VPS35L: variants seen among roughly 807,000 people sequenced by gnomAD.
The protein encoded by VPS35L is VPS35 endosomal protein sorting factor like, also known as VPS35 endosomal protein-sorting factor-like.
In VPS35L, 83 loss-of-function variants were observed where a neutral mutation model predicts 133.0. The ratio of observed to expected loss-of-function variants is 0.62; its 90% CI spans 0.52 to 0.75. The LOEUF (loss-of-function observed/expected upper bound fraction) is 0.75. Ranked by LOEUF, VPS35L falls within the 30% of genes least tolerant of loss-of-function variation. The pLI is 0.00. For synonymous variants in VPS35L, 423 were observed against 449.9 expected, an observed-to-expected ratio of 0.94 and a Z score of 0.76; for missense variants, 1,083 against 1,206.8, an observed-to-expected ratio of 0.90 and a Z score of 1.52.
chr16:19,619,451 A>G (rs750580307), intron 14 of VPS35L, among the ~76,000 whole-genome samples: 3 of 152,172 alleles, frequency 2.0e-5, no homozygotes, highest in Non-Finnish European at 4.4e-5. Flanking sequence ...TTCAGCAACC[A>G]CATGCTGTCC....
chr16:19,686,969 C>T (rs1391534232), intron 28 of VPS35L, among the ~76,000 whole-genome samples: 5 of 152,136 alleles, frequency 3.3e-5, no homozygotes. Context: ...CCACTGAACT[C>T]CAGCCTGGGC....
chr16:19,667,963 A>G (rs1974751455), intron 26 of VPS35L, among the ~76,000 whole-genome samples: 5 of 152,060 alleles, frequency 3.3e-5, no homozygotes, highest in Admixed American at 3.3e-4. Context: ...GAGCAGAGCT[A>G]ACTTGACTCA....
intron 3 of VPS35L, among the ~76,000 whole-genome samples, chr16:19,570,803 A>G (rs1200121380): frequency 1.4e-5 from 2 of 140,936 alleles, no homozygotes; most frequent in Admixed American, 7.6e-5. Context: ...TTCAGAATAC[A>G]TGCTCTCGAT....
intron 2 of VPS35L, among the ~76,000 whole-genome samples, chr16:19,568,999 G>A (rs1971277436): frequency 6.6e-6 from 1 of 152,070 alleles, no homozygotes; most frequent in African/African-American, 2.4e-5. Context: ...AAAAGTACCT[G>A]GTTAAAGTAG....
At chr16:19,573,010 A>G (rs371889) in intron 3 of VPS35L, 109 bp from the exon 4 acceptor site, 552,955 of 1,242,764 alleles carry the variant, frequency 0.44, 134,030 homozygotes, top group African/African-American at 0.87. Flanking sequence ...CCTTGAGACA[A>G]ATCTCTTTTA....
chr16:19,590,132 C>T (rs1001896476), intron 7 of VPS35L, among the ~76,000 whole-genome samples: 3 of 26,932 alleles, frequency 1.1e-4, no homozygotes, highest in Non-Finnish European at 2.2e-4. Flanking sequence ...GCTTACATTC[C>T]CGCCCCGCCC....
intron 8 of VPS35L, 25 bp from the exon 9 acceptor site, chr16:19,601,639 A>G (rs1254366008): frequency 6.2e-7 from 1 of 1,612,292 alleles, no homozygotes; most frequent in Non-Finnish European, 8.5e-7. Context: ...TGTGATACTA[A>G]CACCATCTGT....
chr16:19,700,044 C>T (rs1976061710), intron 30 of VPS35L, among the ~76,000 whole-genome samples: 1 of 152,180 alleles, frequency 6.6e-6, no homozygotes. Flanking sequence ...CTGCAGTGAG[C>T]TATGATCACA....
At position 19,612,131 on chromosome 16, in the gene VPS35L, G is replaced by T. The variant is rs550904316; in HGVS notation, c.1023+1716G>T. Among the ~76,000 whole-genome samples, 24 of 152,034 alleles carry T rather than the reference G, an allele frequency of 1.6e-4. No homozygotes were observed. In the South Asian group the frequency reaches 3.3e-3, roughly 21 times the overall value. On this transcript the variant is annotated intron_variant, in intron 12 of 30. Transcript: ENST00000417362. ...TTTTCGTATTTTTAGTAGAGACGGG[G>T]TTTCACCATGTTGGCCATGATGGTC...
intron 4 of VPS35L, among the ~76,000 whole-genome samples, chr16:19,574,358 C>T (rs1971470673): frequency 6.6e-6 from 1 of 152,116 alleles, no homozygotes; most frequent in South Asian, 2.1e-4. Flanking sequence ...TGGGGTCCCG[C>T]AACACTTTTA....
At chr16:19,645,071 G>A in intron 23 of VPS35L, 122 bp downstream of exon 23, 1 of 501,684 alleles carries the variant, frequency 2.0e-6, no homozygotes, top group Non-Finnish European at 3.3e-6. Context: ...GAGATAAAAT[G>A]AAATTAGAAA....
At chr16:19,697,859 C>CA (rs1476964034) in intron 29 of VPS35L, among the ~76,000 whole-genome samples, 1 of 152,206 alleles carries the variant, frequency 6.6e-6, no homozygotes, top group Admixed American at 6.5e-5. Flanking sequence ...GCTCTGGAGT[C>CA]AGAGAGCTGG....
chr16:19,567,023 A>T (rs771997293), intron 2 of VPS35L, among the ~76,000 whole-genome samples: 1 of 152,032 alleles, frequency 6.6e-6, no homozygotes, highest in East Asian at 1.9e-4. Context: ...AAGTGCTGGG[A>T]TTACAGGTAT....
chr16:19,696,359 C>G (rs1975910879), intron 29 of VPS35L, among the ~76,000 whole-genome samples: 1 of 152,156 alleles, frequency 6.6e-6, no homozygotes, highest in African/African-American at 2.4e-5. Context: ...GTTGGAAAAC[C>G]CTGATGCCTG....
intron 3 of VPS35L, among the ~76,000 whole-genome samples, chr16:19,570,850 T>TC (rs1971345025): frequency 6.6e-5 from 1 of 15,044 alleles, no homozygotes; most frequent in African/African-American, 1.2e-3. Context: ...TATATATATA[T>TC]ATATATATAT....
At chr16:19,647,516 C>A (rs1423339452) in intron 23 of VPS35L, among the ~76,000 whole-genome samples, 1 of 152,132 alleles carries the variant, frequency 6.6e-6, no homozygotes, top group Non-Finnish European at 1.5e-5. Context: ...TGACAAGGGG[C>A]CCCCAATAAC....
At chr16:19,675,899 G>A (rs1975048802) in intron 27 of VPS35L, among the ~76,000 whole-genome samples, 1 of 151,986 alleles carries the variant, frequency 6.6e-6, no homozygotes, top group South Asian at 2.1e-4. Flanking sequence ...CCTACCCACA[G>A]TATGAAAGAT....
intron 26 of VPS35L, among the ~76,000 whole-genome samples, chr16:19,654,401 C>G (rs1974233407): frequency 6.6e-6 from 1 of 151,802 alleles, no homozygotes; most frequent in Admixed American, 6.6e-5. Flanking sequence ...GTGTGTAGGT[C>G]AACATGGAAC....
intron 9 of VPS35L, among the ~76,000 whole-genome samples, chr16:19,606,126 A>T (rs1317806738): frequency 3.3e-5 from 5 of 152,238 alleles, no homozygotes; most frequent in Non-Finnish European, 1.5e-5. Context: ...CAATGCGTGT[A>T]TGCAAGGCAG....
Sources: allele counts gnomAD v4.1 joint callset (sites outside exome capture counted in the v4.1 genomes callset), GRCh38; gene constraint gnomAD v4.1.1; transcripts MANE v1.5; gene names NCBI Gene and HGNC (gene_info 2026-07-23, HGNC 2026-07-21).